SPAG16: variants seen among roughly 807,000 people sequenced by gnomAD.
SPAG16 encodes sperm associated antigen 16.
Under a neutral mutation model 80.4 loss-of-function variants are expected in SPAG16, and 86 were observed. The observed-to-expected ratio is 1.07, with a 90% CI of 0.90 to 1.28. The LOEUF (loss-of-function observed/expected upper bound fraction) is 1.28, where lower values mean the gene tolerates loss of function less well. SPAG16 is among the 50% of genes most tolerant of loss of function. The probability of loss-of-function intolerance (pLI) is 0.00; values close to 1 mark genes in which losing one functional copy is unlikely to be tolerated. For synonymous variants in SPAG16, 294 were observed against 265.9 expected (o/e 1.11, Z -1.03); for missense variants, 870 against 765.3 (o/e 1.14, Z -1.61).
intron 15 of SPAG16, chr2:214,238,810 T>C (rs1559148360): frequency 6.6e-6 from 1 of 151,982 alleles, no homozygotes. Context: ...AACATCTTTG[T>C]TCACTACAAC....
chr2:214,194,644 G>A (rs1317671767), intron 15 of SPAG16, among the ~76,000 whole-genome samples: 1 of 152,168 alleles, frequency 6.6e-6, no homozygotes, highest in East Asian at 1.9e-4. Context: ...TACATGTGAA[G>A]AATGACTCAG....
chr2:213,803,780 C>G (rs534736786), intron 10 of SPAG16, among the ~76,000 whole-genome samples: 2 of 152,166 alleles, frequency 1.3e-5, no homozygotes, highest in African/African-American at 2.4e-5. Flanking sequence ...CTCTGTCACC[C>G]AGGCTGGAGC....
chr2:213,495,836 G>A (rs1221360641), intron 10 of SPAG16, among the ~76,000 whole-genome samples: 1 of 152,150 alleles, frequency 6.6e-6, no homozygotes, highest in African/African-American at 2.4e-5. Context: ...CTTGAGGTGG[G>A]AGCATATCCA....
chr2:213,953,561 G>A (rs751979216), intron 12 of SPAG16, among the ~76,000 whole-genome samples: 2 of 151,322 alleles, frequency 1.3e-5, no homozygotes, highest in Non-Finnish European at 3.0e-5. Context: ...ACATCATGGT[G>A]AATTTGGAAA....
chr2:214,209,972 A>G (rs558529904), intron 15 of SPAG16, among the ~76,000 whole-genome samples: 6 of 152,224 alleles, frequency 3.9e-5, no homozygotes, highest in South Asian at 4.1e-4. Flanking sequence ...TCTCACCAAG[A>G]AAAATGGAGA....
At chr2:214,250,691 A>G (rs1310492892) in intron 15 of SPAG16, among the ~76,000 whole-genome samples, 2 of 145,188 alleles carry the variant, frequency 1.4e-5, no homozygotes, top group Non-Finnish European at 3.0e-5. Flanking sequence ...CTATATATAA[A>G]GAAATATATA....
chr2:213,448,785 T>G (rs532472971), intron 9 of SPAG16, among the ~76,000 whole-genome samples: 7 of 152,324 alleles, frequency 4.6e-5, no homozygotes, highest in African/African-American at 1.7e-4. Context: ...AAGCTGAGGA[T>G]GTACATCACC....
intron 15 of SPAG16, among the ~76,000 whole-genome samples, chr2:214,407,217 A>G (rs1467685604): frequency 1.3e-5 from 2 of 152,020 alleles, no homozygotes; most frequent in Non-Finnish European, 2.9e-5. Flanking sequence ...TGTGATTTTT[A>G]TGGAATGTGT....
At chr2:213,311,457 T>C (rs2063182765) in intron 4 of SPAG16, among the ~76,000 whole-genome samples, 1 of 151,708 alleles carries the variant, frequency 6.6e-6, no homozygotes, top group Non-Finnish European at 1.5e-5. Context: ...CCAAGTATAC[T>C]GTTAACAATT....
chr2:213,614,859 A>G (rs1407971497), intron 10 of SPAG16, among the ~76,000 whole-genome samples: 1 of 152,256 alleles, frequency 6.6e-6, no homozygotes, highest in Non-Finnish European at 1.5e-5. Flanking sequence ...AAAAACATCA[A>G]TACAGGACTT....
chr2:213,411,057 G>A (rs998058647), intron 9 of SPAG16, among the ~76,000 whole-genome samples: 5 of 152,124 alleles, frequency 3.3e-5, no homozygotes, highest in African/African-American at 1.2e-4. Flanking sequence ...GTTAGCCCTT[G>A]TTCATCCCCA....
At chr2:213,543,807 A>G (rs548820393) in intron 10 of SPAG16, among the ~76,000 whole-genome samples, 5 of 152,184 alleles carry the variant, frequency 3.3e-5, no homozygotes, top group South Asian at 4.1e-4. Flanking sequence ...ATACACCTTG[A>G]TTAATCATAT....
At chr2:214,229,075 A>G (rs1053566713) in intron 15 of SPAG16, among the ~76,000 whole-genome samples, 2 of 151,786 alleles carry the variant, frequency 1.3e-5, no homozygotes, top group East Asian at 1.9e-4. Flanking sequence ...ACCAGGGACT[A>G]TGGTAGGTAC....
At chr2:213,574,421 A>G (rs1194682938) in intron 10 of SPAG16, among the ~76,000 whole-genome samples, 1 of 152,102 alleles carries the variant, frequency 6.6e-6, no homozygotes, top group Non-Finnish European at 1.5e-5. Flanking sequence ...AATTGTGGTA[A>G]GAAAATCTGT....
intron 11 of SPAG16, among the ~76,000 whole-genome samples, chr2:213,865,636 A>T (rs2075651837): frequency 6.7e-6 from 1 of 149,460 alleles, no homozygotes; most frequent in East Asian, 1.9e-4. Context: ...ATGTATATTT[A>T]TGTATGTTAT....
intron 15 of SPAG16, among the ~76,000 whole-genome samples, chr2:214,235,471 A>T (rs1262650381): frequency 6.6e-6 from 1 of 152,168 alleles, no homozygotes; most frequent in Non-Finnish European, 1.5e-5. Context: ...ATAAATAAAT[A>T]TTGAACTTAA....
At chr2:213,415,019 G>A (rs1487760769) in intron 9 of SPAG16, among the ~76,000 whole-genome samples, 1 of 152,158 alleles carries the variant, frequency 6.6e-6, no homozygotes, top group African/African-American at 2.4e-5. Context: ...GAACAATATG[G>A]GAAAACCGCC....
intron 10 of SPAG16, among the ~76,000 whole-genome samples, chr2:213,606,112 C>T (rs899642436): frequency 1.1e-4 from 17 of 152,140 alleles, no homozygotes; most frequent in African/African-American, 4.1e-4. Flanking sequence ...CATAATATTG[C>T]TGAGATGTAT....
At chr2:213,296,030 A>G (rs757840250) in intron 1 of SPAG16, 34 bp from the exon 2 acceptor site, 25 of 1,586,692 alleles carry the variant, frequency 1.6e-5, no homozygotes, top group East Asian at 4.5e-5. Context: ...TTTATTCTAT[A>G]TTTTTTGAGA....
Sources: gnomAD v4.1 joint callset for allele counts (sites outside exome capture counted in the v4.1 genomes callset) on GRCh38, gnomAD v4.1.1 for gene constraint, MANE v1.5 for transcripts, NCBI Gene and HGNC (gene_info 2026-07-23, HGNC 2026-07-21) for gene names.